Variants in FNDC7 observed in about 807,000 individuals in gnomAD.
The protein encoded by FNDC7 is fibronectin type III domain containing 7.
A neutral mutation model predicts 74.2 loss-of-function variants in FNDC7; 66 were observed. The ratio of observed to expected loss-of-function variants is 0.89; its 90% confidence interval spans 0.73 to 1.09. The LOEUF (loss-of-function observed/expected upper bound fraction) is 1.09, where lower values mean the gene tolerates loss of function less well. Ranked by LOEUF, FNDC7 falls within the 50% of genes least tolerant of loss-of-function variation. The pLI is 0.00. For synonymous variants in FNDC7, 307 were observed against 330.2 expected, an observed-to-expected ratio of 0.93 and a Z score of 0.76; for missense variants, 829 against 893.4, an observed-to-expected ratio of 0.93 and a Z score of 0.92.
intron 9 of FNDC7, among the ~76,000 whole-genome samples, chr1:108,732,700 C>CTCTT (rs751083534): frequency 6.6e-6 from 1 of 151,908 alleles, no homozygotes; most frequent in Non-Finnish European, 1.5e-5. Flanking sequence ...CTCTCTCTCT[C>CTCTT]TCTTTCTTTC....
At chr1:108,725,448 G>T (rs1165830889) in intron 5 of FNDC7, among the ~76,000 whole-genome samples, 1 of 152,196 alleles carries the variant, frequency 6.6e-6, no homozygotes, top group Non-Finnish European at 1.5e-5. Context: ...AAATTTGTAT[G>T]TCTTAAGATG....
intron 9 of FNDC7, among the ~76,000 whole-genome samples, chr1:108,732,017 A>G (rs1177499455): frequency 6.6e-6 from 1 of 152,226 alleles, no homozygotes; most frequent in African/African-American, 2.4e-5. Flanking sequence ...TGATGCCCTT[A>G]TTGGCACCTA....
intron 5 of FNDC7, among the ~76,000 whole-genome samples, chr1:108,724,422 T>A (rs563797107): frequency 6.6e-6 from 1 of 152,128 alleles, no homozygotes; most frequent in South Asian, 2.1e-4. Context: ...GGCATAAGAA[T>A]GTATTCTGTC....
chr1:108,716,325 G>GTGTGTGTGTT (rs1660974892), intron 2 of FNDC7, among the ~76,000 whole-genome samples: 1 of 58,496 alleles, frequency 1.7e-5, no homozygotes, highest in East Asian at 4.1e-4. Context: ...AGAGAGGTGT[G>GTGTGTGTGTT]TGTGTGTGTG....
Position 108,727,974 on chromosome 1 carries a change from AG to A in FNDC7, c.1279del (p.Glu427SerfsTer28). 1.2e-6 allele frequency: 2 copies of A among 1,614,202 alleles called. No homozygotes were observed. Among genetic ancestry groups the A allele is most frequent in the Non-Finnish European group, 1.7e-6 (2 of 1,180,028 alleles). The stretch of plus-strand genomic sequence containing the variant: ...CTCCTGCGTGCACCCTTTCGGCTCT[AG>A]AGTGTGACACCAAGTACAACATCAC... ...TTPACTLSAL[E>X]CDTKYNITVY... On this transcript the variant is annotated frameshift_variant, in exon 7 of 13. Transcript: ENST00000370017. LOFTEE classifies it high-confidence loss of function.
At chr1:108,728,940 G>GTTC (rs965831748) in intron 8 of FNDC7, 54 bp downstream of exon 8, 3 of 1,582,198 alleles carry the variant, frequency 1.9e-6, no homozygotes, top group African/African-American at 2.7e-5. Flanking sequence ...CTTATGGAGT[G>GTTC]TTTCAAGACA....
At chr1:108,724,085 G>C (rs1661152419) in intron 5 of FNDC7, among the ~76,000 whole-genome samples, 1 of 152,152 alleles carries the variant, frequency 6.6e-6, no homozygotes, top group Admixed American at 6.5e-5. Context: ...TTCCACTAGA[G>C]AAAACTAAAA....
At chr1:108,720,727 G>A (rs574670209) in intron 4 of FNDC7, among the ~76,000 whole-genome samples, 1 of 152,246 alleles carries the variant, frequency 6.6e-6, no homozygotes, top group African/African-American at 2.4e-5. Context: ...ACATTCACAT[G>A]GAATTTTCCC....
At chr1:108,715,862 C>A (rs1370267086) in intron 2 of FNDC7, among the ~76,000 whole-genome samples, 1 of 152,178 alleles carries the variant, frequency 6.6e-6, no homozygotes, top group Non-Finnish European at 1.5e-5. Flanking sequence ...CCTTCACACA[C>A]AAAAGTAAAT....
intron 11 of FNDC7, among the ~76,000 whole-genome samples, chr1:108,740,796 G>A (rs1213955245): frequency 6.6e-6 from 1 of 152,144 alleles, no homozygotes; most frequent in African/African-American, 2.4e-5. Context: ...TAAATTATTG[G>A]ACACAATAAT....
At chr1:108,726,656 G>C (rs1458400898) in intron 6 of FNDC7, among the ~76,000 whole-genome samples, 1 of 151,734 alleles carries the variant, frequency 6.6e-6, no homozygotes, top group African/African-American at 2.4e-5. Flanking sequence ...CAGGAATTAT[G>C]TCTTATTTAT....
Position 108,713,784 on chromosome 1 carries a change from T to C in FNDC7, c.82+255T>C, listed in dbSNP as rs372712428. On this transcript the variant is annotated intron_variant, in intron 2 of 12. Coordinates refer to ENST00000370017, the MANE Select transcript of FNDC7 (RefSeq NM_001144937.3). Reference sequence around the variant, plus strand: ...CTGAGGACTATAATGTACAGAGCCATGTAGGCATGCATTTTCTCATATACG... The same window carrying C: ...CTGAGGACTATAATGTACAGAGCCACGTAGGCATGCATTTTCTCATATACG... Among the ~76,000 whole-genome samples, 177 of 152,312 alleles carry C rather than the reference T, an allele frequency of 1.2e-3. 1 individual carries two copies. The highest frequency in any genetic ancestry group is 3.9e-3 in the African/African-American group (161 of 41,578).
In FNDC7 at chr1:108,728,048, C is replaced by T; in HGVS notation, c.1352C>T (p.Pro451Leu). ...CGAGGCAGCAATATGTCATGTACTC[C>T]CCAGTTCATAACCACAGGTAAGGCA... ...EVRGSNMSCT[P>L]QFITTAPCSP... The change falls in exon 7 of 13, where the codon CCC (proline) becomes CTC (leucine). Residue 451 changes from proline (P) to leucine (L), a missense_variant. By Grantham distance (98) the Pro-to-Leu change is moderately conservative. Coordinates refer to ENST00000370017, the MANE Select transcript of FNDC7 (RefSeq NM_001144937.3). 6.2e-7 allele frequency: 1 copy of T among 1,613,836 alleles called. No individual in the cohort carries two copies. The highest frequency in any genetic ancestry group is 8.5e-7 in the Non-Finnish European group (1 of 1,179,868).
In FNDC7 at chr1:108,717,937, G is replaced by A. The variant is rs573223729; in HGVS notation, c.243G>A (p.Thr81=). 134 of 1,551,742 alleles carry A rather than the reference G, an allele frequency of 8.6e-5. No homozygotes were observed. Among genetic ancestry groups the A allele is most frequent in the Middle Eastern group, 5.0e-4 (3 of 5,992 alleles). ...TGGCCAATTCCCCAGGCACTGTGAC[G>A]GGACTAAAGGCTGCAACCTGGTATG... is the stretch of plus-strand genomic sequence containing the variant. ...TTVANSPGTV[T]GLKAATWYEI... is the part of the protein sequence containing the mutation. The change falls in exon 3 of 13, where the codon ACG becomes ACA. Residue 81 remains threonine (T), a synonymous_variant. Transcript: ENST00000370017.
Position 108,742,275 on chromosome 1 carries a change from A to G in FNDC7, c.*388A>G, listed in dbSNP as rs1661667421. ...CACTTCATGAGTGTTTTACAACAGC[A>G]CTTGTCTGCAGCCCCCTCAGGGGCT... is the stretch of plus-strand genomic sequence containing the variant. On this transcript the variant is annotated 3_prime_UTR_variant, in exon 13 of 13. Coordinates refer to ENST00000370017, the MANE Select transcript of FNDC7 (RefSeq NM_001144937.3). 1.3e-5 allele frequency: 2 copies of G among 159,944 alleles called. No homozygotes were observed. Among genetic ancestry groups the G allele is most frequent in the Admixed American group, 6.4e-5 (1 of 15,558 alleles). The allele number at this position is 159,944 out of a possible 1,614,324, so 9.9% of individuals were successfully genotyped here.
intron 10 of FNDC7, 117 bp downstream of exon 10, chr1:108,733,649 C>CATTT (rs1160919720): frequency 3.3e-5 from 20 of 614,318 alleles, no homozygotes; most frequent in Non-Finnish European, 4.1e-5. Context: ...AAATTTCTTT[C>CATTT]TTTTTTTTTT....
intron 5 of FNDC7, among the ~76,000 whole-genome samples, chr1:108,722,941 C>T (rs4970808): frequency 0.54 from 81,509 of 151,952 alleles, 23,723 homozygotes; most frequent in East Asian, 0.87. Flanking sequence ...GTCTTCTTTG[C>T]GTCATGTCTC....
chr1:108,737,263 G>A (rs1402685538), intron 10 of FNDC7, among the ~76,000 whole-genome samples: 7 of 152,130 alleles, frequency 4.6e-5, no homozygotes, highest in Non-Finnish European at 1.0e-4. Flanking sequence ...GAGTCACTGC[G>A]CCCAGCTGAG....
At chr1:108,735,620 T>G (rs1661492049) in intron 10 of FNDC7, among the ~76,000 whole-genome samples, 3 of 152,328 alleles carry the variant, frequency 2.0e-5, no homozygotes, top group Middle Eastern at 6.8e-3. Flanking sequence ...TCCAAAATAT[T>G]ATCATTTCAA....
Sources: allele counts gnomAD v4.1 joint callset (sites outside exome capture counted in the v4.1 genomes callset), GRCh38; gene constraint gnomAD v4.1.1; transcripts MANE v1.5; gene names NCBI Gene and HGNC (gene_info 2026-07-23, HGNC 2026-07-21).